UBE2Q2: variants seen among roughly 807,000 people sequenced by gnomAD.
UBE2Q2 encodes ubiquitin-conjugating enzyme E2 Q2.
Under a neutral mutation model 59.9 loss-of-function variants are expected in UBE2Q2, and 54 were observed. That is an observed-to-expected ratio of 0.90 (90% CI 0.72 to 1.13). The LOEUF is 1.13. UBE2Q2 is among the 50% of genes most tolerant of loss of function. The pLI, the probability that UBE2Q2 is intolerant of heterozygous loss-of-function variation, is 0.00. For missense variants in UBE2Q2, 433 were observed against 441.9 expected, an observed-to-expected ratio of 0.98 and a Z score of 0.18; for synonymous variants, 165 against 155.2, an observed-to-expected ratio of 1.06 and a Z score of -0.47.
chr15:75,890,631 G>T, intron 10 of UBE2Q2, 148 bp downstream of exon 10: 1 of 770,894 alleles, frequency 1.3e-6, no homozygotes, highest in Admixed American at 3.0e-5. Flanking sequence ...GAATGAAAAA[G>T]GTAAACCAAT....
chr15:75,889,430 T>C (rs1898970609), intron 9 of UBE2Q2, among the ~76,000 whole-genome samples: 1 of 152,212 alleles, frequency 6.6e-6, no homozygotes, highest in African/African-American at 2.4e-5. Context: ...CAGTAAAAGT[T>C]TTTAGATGCC....
At chr15:75,897,282 C>T (rs1025663660) in intron 12 of UBE2Q2, among the ~76,000 whole-genome samples, 2 of 151,958 alleles carry the variant, frequency 1.3e-5, no homozygotes, top group Admixed American at 6.6e-5. Context: ...TCTGTCACCC[C>T]AGCTGGAGTG....
chr15:75,866,837 TG>T (rs1275339203), intron 3 of UBE2Q2, among the ~76,000 whole-genome samples: 4 of 152,220 alleles, frequency 2.6e-5, no homozygotes, highest in Non-Finnish European at 5.9e-5. Context: ...ATTTTGTGGA[TG>T]CAGTATCTTC....
At chr15:75,873,091 A>G (rs1474058760) in intron 4 of UBE2Q2, among the ~76,000 whole-genome samples, 2 of 152,222 alleles carry the variant, frequency 1.3e-5, no homozygotes, top group Non-Finnish European at 1.5e-5. Flanking sequence ...TCTGGAACAA[A>G]CTAGGAACAC....
intron 12 of UBE2Q2, among the ~76,000 whole-genome samples, chr15:75,898,270 A>G (rs1193501960): frequency 6.6e-6 from 1 of 152,160 alleles, no homozygotes; most frequent in African/African-American, 2.4e-5. Flanking sequence ...AAAATGCTGT[A>G]TTTGAGAGTG....
At chr15:75,886,677 A>G (rs1359939193) in intron 9 of UBE2Q2, among the ~76,000 whole-genome samples, 1 of 152,052 alleles carries the variant, frequency 6.6e-6, no homozygotes, top group African/African-American at 2.4e-5. Context: ...CATCTGAGTC[A>G]GGAGTTTGAG....
intron 3 of UBE2Q2, among the ~76,000 whole-genome samples, chr15:75,865,504 C>T (rs1258825834): frequency 1.3e-5 from 2 of 152,082 alleles, no homozygotes; most frequent in African/African-American, 4.8e-5. Context: ...TTCATGGTAC[C>T]CCTGTGCCAG....
chr15:75,883,507 G>A (rs556589731), intron 9 of UBE2Q2, 83 bp downstream of exon 9: 2 of 989,822 alleles, frequency 2.0e-6, no homozygotes, highest in East Asian at 2.7e-5. Context: ...TCACTATGTT[G>A]CCCTGGCTGG....
chr15:75,847,954 C>A (rs1281914363), intron 1 of UBE2Q2, among the ~76,000 whole-genome samples: 1 of 152,066 alleles, frequency 6.6e-6, no homozygotes, highest in Non-Finnish European at 1.5e-5. Flanking sequence ...AATTAAATTT[C>A]TATTCATTAT....
intron 4 of UBE2Q2, among the ~76,000 whole-genome samples, chr15:75,870,017 T>C (rs963637593): frequency 7.2e-5 from 11 of 152,226 alleles, no homozygotes; most frequent in African/African-American, 2.4e-4. Context: ...TTGGAAATTT[T>C]TAATCTAAAA....
intron 9 of UBE2Q2, among the ~76,000 whole-genome samples, chr15:75,889,107 C>G (rs1275408666): frequency 6.6e-6 from 1 of 152,180 alleles, no homozygotes. Flanking sequence ...ACATTATATA[C>G]AATACTCTTT....
rs753161867 is a variant in UBE2Q2 at position 75,843,652 on chromosome 15, G to A, written c.-15G>A. ...GCTCCCCTTCCGCGCCCCTCCCGCCGGAGATGAGGGGAAGATGTCCGTGTC... is the reference window on the plus strand; with the variant it reads ...GCTCCCCTTCCGCGCCCCTCCCGCCAGAGATGAGGGGAAGATGTCCGTGTC... On this transcript the variant is annotated 5_prime_UTR_variant, in exon 1 of 13. Transcript: ENST00000267938. The A allele has an allele frequency of 1.9e-6, 3 of 1,572,172 alleles. No homozygotes were observed. The highest frequency in any genetic ancestry group is 1.7e-4 in the Middle Eastern group (1 of 5,782).
intron 9 of UBE2Q2, among the ~76,000 whole-genome samples, chr15:75,889,978 A>C (rs745595286): frequency 1.2e-4 from 19 of 152,186 alleles, no homozygotes; most frequent in Admixed American, 3.9e-4. Context: ...ATGGGTAAAA[A>C]CAATTTGAAC....
At chr15:75,887,687 G>A (rs1567040420) in intron 9 of UBE2Q2, among the ~76,000 whole-genome samples, 1 of 152,056 alleles carries the variant, frequency 6.6e-6, no homozygotes, top group African/African-American at 2.4e-5. Flanking sequence ...TAAATCTGGT[G>A]ACAGCAGAAG....
chr15:75,868,222 C>T (rs1215486631), intron 3 of UBE2Q2, among the ~76,000 whole-genome samples: 1 of 152,142 alleles, frequency 6.6e-6, no homozygotes. Context: ...CTGAACTGGC[C>T]TTCATGGTTA....
chr15:75,890,830 G>T, intron 10 of UBE2Q2, 89 bp from the exon 11 acceptor site: 1 of 1,062,018 alleles, frequency 9.4e-7, no homozygotes, highest in South Asian at 1.4e-5. Context: ...CTGATTTGCT[G>T]CTGTTGAGTT....
At chr15:75,898,046 C>G (rs1248498029) in intron 12 of UBE2Q2, among the ~76,000 whole-genome samples, 3 of 152,070 alleles carry the variant, frequency 2.0e-5, no homozygotes, top group African/African-American at 7.2e-5. Context: ...TTCTAGCACA[C>G]AAAATTAGAT....
intron 1 of UBE2Q2, chr15:75,844,312 C>A: frequency 6.5e-7 from 1 of 1,548,270 alleles, no homozygotes; most frequent in Non-Finnish European, 8.7e-7. Context: ...CCCGCTTGTT[C>A]AGCCAATTGT....
At chr15:75,879,929 A>G (rs1482151745) in intron 8 of UBE2Q2, among the ~76,000 whole-genome samples, 1 of 152,118 alleles carries the variant, frequency 6.6e-6, no homozygotes, top group Non-Finnish European at 1.5e-5. Flanking sequence ...TCTAGGTGGG[A>G]GGTAGGGAGG....
Sources: gnomAD v4.1 joint callset for allele counts (sites outside exome capture counted in the v4.1 genomes callset) on GRCh38, gnomAD v4.1.1 for gene constraint, MANE v1.5 for transcripts, NCBI Gene and HGNC (gene_info 2026-07-23, HGNC 2026-07-21) for gene names.